The following SDK2 variants were observed in gnomAD, a reference collection of about 807,000 sequenced individuals.
The protein encoded by SDK2 is protein sidekick-2.
In SDK2, 105 loss-of-function variants were observed where a neutral mutation model predicts 253.9. That is an observed-to-expected ratio of 0.41 (90% CI 0.35 to 0.49). The LOEUF is 0.49. Ranked by LOEUF, SDK2 falls within the 20% of genes least tolerant of loss-of-function variation. The probability of loss-of-function intolerance (pLI) is 0.06; values close to 1 mark genes in which losing one functional copy is unlikely to be tolerated. For synonymous variants in SDK2, 1,249 were observed against 1,234.9 expected, an observed-to-expected ratio of 1.01 and a Z score of -0.24; for missense variants, 2,608 against 3,003.0, an observed-to-expected ratio of 0.87 and a Z score of 3.07.
At chr17:73,399,120 C>G (rs769249180) in intron 22 of SDK2, 48 bp downstream of exon 22, 23 of 1,603,892 alleles carry the variant, frequency 1.4e-5, no homozygotes, top group African/African-American at 2.7e-5. Flanking sequence ...CTCAAGGGCA[C>G]GGGGTGCCCT....
intron 1 of SDK2, among the ~76,000 whole-genome samples, chr17:73,589,630 T>C (rs752232144): frequency 1.3e-5 from 2 of 152,234 alleles, no homozygotes; most frequent in Non-Finnish European, 2.9e-5. Context: ...ACAGGCACTC[T>C]GCGTCACTCT....
chr17:73,436,287 C>A (rs1041066799), intron 8 of SDK2, among the ~76,000 whole-genome samples: 4 of 110,488 alleles, frequency 3.6e-5, no homozygotes, highest in Admixed American at 8.4e-5. Context: ...ATAAGTTCCC[C>A]CAGCTGGGCT....
rs573210455 is a variant in SDK2, at chr17:73,412,191, C to CACACATATACATATATGTATATGCATAT, written c.2484+2425_2484+2452dup. On this transcript the variant is annotated intron_variant, in intron 18 of 44. Coordinates refer to ENST00000392650, the MANE Select transcript of SDK2 (RefSeq NM_001144952.2). Reference sequence around the variant, plus strand: ...ATACACATATATGTATATGCACATACACACATATACATATATGTATATGCA... The same window carrying CACACATATACATATATGTATATGCATAT: ...ATACACATATATGTATATGCACATACACACATATACATATATGTATATGCATATACACATATACATATATGTATATGCA... Among the ~76,000 whole-genome samples the CACACATATACATATATGTATATGCATAT allele has an allele frequency of 2.7e-3, 391 of 147,040 alleles. 1 individual carries two copies. The highest frequency in any genetic ancestry group is 9.4e-3 in the African/African-American group (371 of 39,676).
chr17:73,335,766 G>C lies in SDK2; in HGVS notation c.*2821C>G, dbSNP rs754240478. 1 of 152,302 alleles carries C rather than the reference G, an allele frequency of 6.6e-6. No homozygotes were observed. Among genetic ancestry groups the C allele is most frequent in the Non-Finnish European group, 1.5e-5 (1 of 68,076 alleles). The allele number at this position is 152,302 out of a possible 1,614,324, so 9.4% of individuals were successfully genotyped here. A position where few individuals can be genotyped will look rare whatever the true frequency, so the allele number is the denominator to read the frequency against. On this transcript the variant is annotated 3_prime_UTR_variant, in exon 45 of 45. Transcript: ENST00000392650. ...CCACGCCCCAAGTGCAAGCAACCCA[G>C]GCCACCTGTGCCTCACAGGGGAGAG...
intron 42 of SDK2, 77 bp downstream of exon 42, chr17:73,350,573 G>T: frequency 6.7e-7 from 1 of 1,500,606 alleles, no homozygotes; most frequent in Non-Finnish European, 9.0e-7. Flanking sequence ...AGAGGGACCT[G>T]ATCACCCCTG....
chr17:73,358,185 G>A lies in SDK2; in HGVS notation c.5487C>T (p.Gly1829=), dbSNP rs999511365. Residue 1829 remains glycine (G), a synonymous_variant, in exon 40 of 45, where the codon GGC becomes GGT. Transcript: ENST00000392650. ...AGCTGTACCGCACGATGATGGGCAC[G>A]CCAGGCGGTCCTGGGGCACCTGCAG... ...GPGEGAPGPP[G]VPIIVRYSSA... 22 of 1,606,732 alleles carry A rather than the reference G, an allele frequency of 1.4e-5. No homozygotes were observed. Among genetic ancestry groups the A allele is most frequent in the African/African-American group, 4.0e-5 (3 of 74,522 alleles).
intron 1 of SDK2, among the ~76,000 whole-genome samples, chr17:73,566,767 A>T (rs2145860087): frequency 6.6e-6 from 1 of 152,244 alleles, no homozygotes. Context: ...ATCTGGCAAA[A>T]GAAATTTCTA....
chr17:73,507,005 C>T (rs1263305695), intron 2 of SDK2, among the ~76,000 whole-genome samples: 2 of 152,236 alleles, frequency 1.3e-5, no homozygotes, highest in Non-Finnish European at 1.5e-5. Context: ...TAGAAGATGT[C>T]CCCTCCTTCA....
In SDK2 at chr17:73,556,931, C is replaced by G. The variant is rs185624866; in HGVS notation, c.65-49334G>C. Reference sequence around the variant, plus strand: ...AGTTAAACACACAAGGAAATTAGCACCAGATTGACAGTATGGGGCTATGAT... The same window carrying G: ...AGTTAAACACACAAGGAAATTAGCAGCAGATTGACAGTATGGGGCTATGAT... On this transcript the variant is annotated intron_variant, in intron 1 of 44. Coordinates refer to ENST00000392650, the MANE Select transcript of SDK2 (RefSeq NM_001144952.2). 1.6e-3 allele frequency among the ~76,000 whole-genome samples: 248 copies of G among 152,274 alleles called. 4 individuals carry two copies. Among genetic ancestry groups the G allele is most frequent in the Non-Finnish European group, 4.4e-4 (30 of 68,038 alleles).
At chr17:73,416,443 T>C (rs1158893549) in intron 16 of SDK2, among the ~76,000 whole-genome samples, 1 of 151,920 alleles carries the variant, frequency 6.6e-6, no homozygotes, top group African/African-American at 2.4e-5. Context: ...GTGATCTGCC[T>C]ACCTCACTTC....
chr17:73,454,933 C>T (rs1599581984), intron 4 of SDK2, among the ~76,000 whole-genome samples: 1 of 152,302 alleles, frequency 6.6e-6, no homozygotes. Context: ...CAACTCCTGA[C>T]CTCAAGTGAT....
At chr17:73,587,208 C>T (rs2045614039) in intron 1 of SDK2, among the ~76,000 whole-genome samples, 1 of 152,172 alleles carries the variant, frequency 6.6e-6, no homozygotes, top group African/African-American at 2.4e-5. Context: ...CCTGAGGTCC[C>T]CAGGCTAGGT....
At chr17:73,539,753 G>A (rs1194267994) in intron 1 of SDK2, among the ~76,000 whole-genome samples, 1 of 152,236 alleles carries the variant, frequency 6.6e-6, no homozygotes, top group African/African-American at 2.4e-5. Flanking sequence ...AGGTCACAAA[G>A]GTGGCCCCTA....
intron 32 of SDK2, 77 bp downstream of exon 32, chr17:73,385,770 G>A (rs1349392633): frequency 3.7e-6 from 5 of 1,342,506 alleles, no homozygotes; most frequent in South Asian, 2.5e-5. Context: ...CAGCCCTGGT[G>A]GGGACTGCTG....
At position 73,431,635 on chromosome 17, in the gene SDK2, C is replaced by T. The variant is rs1211095737; in HGVS notation, c.1347G>A (p.Leu449=). 5 of 1,612,250 alleles carry T rather than the reference C, an allele frequency of 3.1e-6. No individual in the cohort carries two copies. In the Admixed American group the frequency reaches 6.7e-5, roughly 22 times the overall value. Residue 449 remains leucine (L), a synonymous_variant, in exon 11 of 45, where the codon CTG becomes CTA. Transcript: ENST00000392650. This position sits in a 1 kb window ranked among gnomAD's most constrained non-coding sequence, Gnocchi z 5.6. ...ERILASGSVQ[L]PRFTPLESGS... is the part of the protein sequence containing the mutation. Reference sequence around the variant, plus strand: ...CCGACTCCAGGGGTGTGAAGCGAGGCAGCTGCACAGAGCCACTGGCCAAGA... The same window carrying T: ...CCGACTCCAGGGGTGTGAAGCGAGGTAGCTGCACAGAGCCACTGGCCAAGA...
At position 73,435,355 on chromosome 17, in the gene SDK2, G is replaced by A. The variant is rs1009003783; in HGVS notation, c.1195+95C>T. The A allele has an allele frequency of 2.2e-5, 28 of 1,244,710 alleles. No individual in the cohort carries two copies. Among genetic ancestry groups the A allele is most frequent in the African/African-American group, 1.1e-4 (7 of 66,034 alleles). The allele number at this position is 1,244,710 out of a possible 1,614,324, so 77.1% of individuals were successfully genotyped here. ...GGGGATCCTATCTGCTTAATGGAAC[G>A]TGCTATGCACAAGAGGCCCCTCGGA... is the stretch of plus-strand genomic sequence containing the variant. On this transcript the variant is annotated intron_variant, in intron 9 of 44. Coordinates refer to ENST00000392650, the MANE Select transcript of SDK2 (RefSeq NM_001144952.2). The surrounding 1 kb of genome is among the most constrained non-coding windows in gnomAD (Gnocchi z 5.7).
intron 1 of SDK2, among the ~76,000 whole-genome samples, chr17:73,579,500 C>T (rs899352407): frequency 9.9e-5 from 15 of 152,256 alleles, no homozygotes; most frequent in Middle Eastern, 3.4e-3. Flanking sequence ...GCTCACGTAG[C>T]GCTTCTCAGG....
intron 1 of SDK2, among the ~76,000 whole-genome samples, chr17:73,599,677 C>A (rs1035285036): frequency 3.3e-5 from 5 of 152,146 alleles, no homozygotes; most frequent in Non-Finnish European, 7.4e-5. Context: ...AAGCCAGTTT[C>A]TTTTTTCTCT....
intron 12 of SDK2, among the ~76,000 whole-genome samples, chr17:73,425,974 A>T (rs549752828): frequency 6.6e-6 from 1 of 152,328 alleles, no homozygotes; most frequent in African/African-American, 2.4e-5. Context: ...CCTTTGTTAC[A>T]TATTTTAAAT....
Sources: allele counts gnomAD v4.1 joint callset (sites outside exome capture counted in the v4.1 genomes callset), GRCh38; gene constraint gnomAD v4.1.1; non-coding constraint Gnocchi (gnomAD v3.1); transcripts MANE v1.5; gene names NCBI Gene and HGNC (gene_info 2026-07-23, HGNC 2026-07-21).